PTPN1: variants seen among roughly 807,000 people sequenced by gnomAD.
The protein encoded by PTPN1 is tyrosine-protein phosphatase non-receptor type 1.
Under a neutral mutation model 59.9 loss-of-function variants are expected in PTPN1, and 12 were observed. That is an observed-to-expected ratio of 0.20 (90% confidence interval 0.13 to 0.32). PTPN1 has a LOEUF of 0.32. Among genes scored for constraint, PTPN1 ranks in the 10% least tolerant of loss-of-function variants. The pLI is 1.00. For synonymous variants in PTPN1, 178 were observed against 203.6 expected (o/e 0.87, Z 1.07); for missense variants, 356 against 549.2 (o/e 0.65, Z 3.52).
At chr20:50,573,083 C>T (rs1332200349) in intron 4 of PTPN1, 2 of 152,306 alleles carry the variant, frequency 1.3e-5, no homozygotes, top group Non-Finnish European at 2.9e-5. Flanking sequence ...GTTTCTCCCA[C>T]ATTTTGCTTT....
intron 1 of PTPN1, among the ~76,000 whole-genome samples, chr20:50,528,956 GT>G (rs894304417): frequency 7.2e-5 from 11 of 152,038 alleles, no homozygotes; most frequent in Admixed American, 2.0e-4. Context: ...TGTATGTGGT[GT>G]TTTCCCCCCA....
At chr20:50,524,052 T>C (rs191551786) in intron 1 of PTPN1, among the ~76,000 whole-genome samples, 12 of 152,324 alleles carry the variant, frequency 7.9e-5, no homozygotes, top group African/African-American at 2.4e-4. Flanking sequence ...TCTTATTGTA[T>C]ATATTTTTCC....
intron 2 of PTPN1, among the ~76,000 whole-genome samples, chr20:50,564,299 A>G (rs1426820492): frequency 2.0e-5 from 3 of 152,078 alleles, no homozygotes; most frequent in African/African-American, 7.2e-5. Flanking sequence ...TGCCCTCTAA[A>G]AGTTTATGTC....
At chr20:50,528,101 G>A (rs149412416) in intron 1 of PTPN1, among the ~76,000 whole-genome samples, 22 of 152,204 alleles carry the variant, frequency 1.4e-4, no homozygotes, top group African/African-American at 5.3e-4. Flanking sequence ...TCCTCTGCCT[G>A]GAATATCCTA....
At chr20:50,514,182 A>G (rs1038989716) in intron 1 of PTPN1, among the ~76,000 whole-genome samples, 1 of 152,248 alleles carries the variant, frequency 6.6e-6, no homozygotes, top group African/African-American at 2.4e-5. Context: ...GAAGTAAGTA[A>G]ACCAACCAGT....
intron 5 of PTPN1, chr20:50,578,147 G>A (rs2082846368): frequency 2.4e-6 from 1 of 412,950 alleles, no homozygotes; most frequent in Non-Finnish European, 4.5e-6. Flanking sequence ...TGTAGACAGT[G>A]GAAGTGATAG....
chr20:50,584,460 A>G lies in PTPN1; in HGVS notation c.*1745A>G, dbSNP rs1392629530. ...TTGTTACACATTATGTTAGAGAGGTAGCGAGCTGCTCTGCTATATGCCTTA... is the reference window on the plus strand; with the variant it reads ...TTGTTACACATTATGTTAGAGAGGTGGCGAGCTGCTCTGCTATATGCCTTA... On this transcript the variant is annotated 3_prime_UTR_variant, in exon 10 of 10. Coordinates refer to ENST00000371621, the MANE Select transcript of PTPN1 (RefSeq NM_002827.4). The G allele has an allele frequency of 5.2e-5, 8 of 152,790 alleles. No homozygotes were observed. The highest frequency in any genetic ancestry group is 1.2e-4 in the Non-Finnish European group (8 of 68,042). The allele number at this position is 152,790 out of a possible 1,614,324, so 9.5% of individuals were successfully genotyped here.
intron 1 of PTPN1, among the ~76,000 whole-genome samples, chr20:50,554,091 CA>C (rs1312555299): frequency 6.6e-6 from 1 of 152,078 alleles, no homozygotes; most frequent in Non-Finnish European, 1.5e-5. Context: ...AAACCTTCAG[CA>C]AAATAAACAA....
At position 50,582,655 on chromosome 20, in the gene PTPN1, G is replaced by A. The variant is rs893763991; in HGVS notation, c.1285-37G>A. 9 of 1,611,642 alleles carry A rather than the reference G, an allele frequency of 5.6e-6. No individual in the cohort carries two copies. The highest frequency in any genetic ancestry group is 2.2e-5 in the East Asian group (1 of 44,848). ...ATGAGGCGACAGCTCTGCAGGTGCGGGTCTGGGCTCATCTGAACTGTTTGG... is the reference window on the plus strand; with the variant it reads ...ATGAGGCGACAGCTCTGCAGGTGCGAGTCTGGGCTCATCTGAACTGTTTGG... On this transcript the variant is annotated intron_variant, in intron 9 of 9. Transcript: ENST00000371621. This position sits in a 1 kb window ranked among gnomAD's most constrained non-coding sequence, Gnocchi z 4.2.
chr20:50,523,972 A>G (rs2082562186), intron 1 of PTPN1, among the ~76,000 whole-genome samples: 2 of 151,918 alleles, frequency 1.3e-5, no homozygotes, highest in Admixed American at 6.6e-5. Context: ...GTGAGATCAT[A>G]TTTCACTTCC....
chr20:50,540,736 C>T (rs1426940842), intron 1 of PTPN1, among the ~76,000 whole-genome samples: 1 of 152,188 alleles, frequency 6.6e-6, no homozygotes. Context: ...GCCAAGTACT[C>T]AAGAGTCCAG....
Position 50,581,314 on chromosome 20 carries a change from C to T in PTPN1, c.1138C>T (p.Arg380Ter), listed in dbSNP as rs763052949. ...AAGTCGGGTCGTGGGGGGAAGTCTT[C>T]GAGGTGCCCAGGCTGCCTCCCCAGC... ...VRSRVVGGSL[R>*]GAQAASPAKG... The change falls in exon 9 of 10, where the codon CGA becomes TGA. Residue 380 changes from arginine to a stop codon, truncating the protein, a stop_gained. Coordinates refer to ENST00000371621, the MANE Select transcript of PTPN1 (RefSeq NM_002827.4). LOFTEE classifies it high-confidence loss of function. 1.2e-6 allele frequency: 2 copies of T among 1,613,658 alleles called. No homozygotes were observed. The highest frequency in any genetic ancestry group is 8.5e-7 in the Non-Finnish European group (1 of 1,179,606).
intron 1 of PTPN1, among the ~76,000 whole-genome samples, chr20:50,545,502 C>T (rs1226082022): frequency 6.6e-6 from 1 of 152,198 alleles, no homozygotes; most frequent in East Asian, 1.9e-4. Flanking sequence ...TTGCATCTCC[C>T]TCATGGATTA....
At chr20:50,560,848 A>AAC (rs957381316) in intron 1 of PTPN1, among the ~76,000 whole-genome samples, 2 of 152,100 alleles carry the variant, frequency 1.3e-5, no homozygotes, top group Admixed American at 6.5e-5. Flanking sequence ...CTTCTGTTGA[A>AAC]ACAGGGTGAT....
At chr20:50,566,092 C>T (rs994997721) in intron 3 of PTPN1, among the ~76,000 whole-genome samples, 3 of 152,172 alleles carry the variant, frequency 2.0e-5, no homozygotes, top group African/African-American at 7.2e-5. Context: ...TGAGTAAGTT[C>T]TTGGTGCATG....
intron 1 of PTPN1, among the ~76,000 whole-genome samples, chr20:50,516,901 A>T (rs2082531297): frequency 6.6e-6 from 1 of 152,216 alleles, no homozygotes; most frequent in Non-Finnish European, 1.5e-5. Flanking sequence ...GAATAATATG[A>T]TAGTTTACAC....
chr20:50,574,331 T>C, intron 4 of PTPN1, 186 bp from the exon 5 acceptor site: 1 of 573,392 alleles, frequency 1.7e-6, no homozygotes, highest in Non-Finnish European at 2.9e-6. Context: ...CCTGCCCCGG[T>C]CAGCAGCTTC....
rs2082616709 is a variant in PTPN1, at chr20:50,534,823, T to C, written c.63+24233T>C. Reference sequence around the variant, plus strand: ...TTACTGTAACCTCAAATTCCTGGGCTCAAATGATCCTCCCACGTCAGCCTC... The same window carrying C: ...TTACTGTAACCTCAAATTCCTGGGCCCAAATGATCCTCCCACGTCAGCCTC... On this transcript the variant is annotated intron_variant, in intron 1 of 9. Coordinates refer to ENST00000371621, the MANE Select transcript of PTPN1 (RefSeq NM_002827.4). Among the ~76,000 whole-genome samples the C allele has an allele frequency of 2.6e-5, 4 of 152,182 alleles. No individual in the cohort carries two copies. The South Asian group carries it at 8.3e-4, about 32-fold the overall frequency.
At chr20:50,560,204 C>T (rs768968126) in intron 1 of PTPN1, among the ~76,000 whole-genome samples, 13 of 152,084 alleles carry the variant, frequency 8.5e-5, no homozygotes, top group Non-Finnish European at 1.3e-4. Context: ...TGTGTATGGC[C>T]GCTTACCCCA....
Sources: allele counts gnomAD v4.1 joint callset (sites outside exome capture counted in the v4.1 genomes callset), GRCh38; gene constraint gnomAD v4.1.1; non-coding constraint Gnocchi (gnomAD v3.1); transcripts MANE v1.5; gene names NCBI Gene and HGNC (gene_info 2026-07-23, HGNC 2026-07-21).